Variants in LHFPL3 observed in about 807,000 individuals in gnomAD.
The protein encoded by LHFPL3 is LHFPL tetraspan subfamily member 3.
A neutral mutation model predicts 19.3 loss-of-function variants in LHFPL3; 5 were observed. That is an observed-to-expected ratio of 0.26 (90% CI 0.14 to 0.54). The LOEUF is 0.54. LHFPL3 is among the 20% of genes least tolerant of loss of function. The probability of loss-of-function intolerance (pLI) is 0.94; values close to 1 mark genes in which losing one functional copy is unlikely to be tolerated. For missense variants in LHFPL3, 249 were observed against 307.4 expected (o/e 0.81, Z 1.42); for synonymous variants, 133 against 126.2 (o/e 1.05, Z -0.36).
chr7:104,603,038 T>G (rs1374550673), intron 1 of LHFPL3, among the ~76,000 whole-genome samples: 1 of 152,114 alleles, frequency 6.6e-6, no homozygotes, highest in African/African-American at 2.4e-5. Flanking sequence ...ACAATGAGGA[T>G]TAAGTTTTCT....
chr7:104,720,355 T>C (rs1793464650), intron 1 of LHFPL3, among the ~76,000 whole-genome samples: 1 of 152,276 alleles, frequency 6.6e-6, no homozygotes, highest in African/African-American at 2.4e-5. Flanking sequence ...AAGCTGAAAC[T>C]GAATCCCTTC....
chr7:104,398,179 G>A (rs895257119), intron 1 of LHFPL3, among the ~76,000 whole-genome samples: 2 of 151,930 alleles, frequency 1.3e-5, no homozygotes, highest in African/African-American at 2.4e-5. Flanking sequence ...TAGCATGAAC[G>A]GCAGAAGTAA....
chr7:104,438,682 G>C (rs1792158234), intron 1 of LHFPL3, among the ~76,000 whole-genome samples: 1 of 151,908 alleles, frequency 6.6e-6, no homozygotes, highest in Non-Finnish European at 1.5e-5. Flanking sequence ...AAGTTTCCTT[G>C]TCAAGAAGGT....
At chr7:104,516,319 C>T (rs1793920454) in intron 1 of LHFPL3, among the ~76,000 whole-genome samples, 1 of 152,030 alleles carries the variant, frequency 6.6e-6, no homozygotes, top group Non-Finnish European at 1.5e-5. Flanking sequence ...CAGTTATCTC[C>T]CACTGGATCC....
At chr7:104,517,483 A>C (rs1793943064) in intron 1 of LHFPL3, among the ~76,000 whole-genome samples, 1 of 150,994 alleles carries the variant, frequency 6.6e-6, no homozygotes, top group Admixed American at 6.6e-5. Context: ...ATATGACTCA[A>C]ATTATTCAAA....
At chr7:104,625,782 T>G (rs1482942863) in intron 1 of LHFPL3, among the ~76,000 whole-genome samples, 1 of 152,196 alleles carries the variant, frequency 6.6e-6, no homozygotes, top group African/African-American at 2.4e-5. Flanking sequence ...TTTTACGAAT[T>G]TTTTAACTCT....
At chr7:104,551,956 T>G (rs1794669237) in intron 1 of LHFPL3, among the ~76,000 whole-genome samples, 1 of 152,152 alleles carries the variant, frequency 6.6e-6, no homozygotes, top group East Asian at 1.9e-4. Flanking sequence ...AAACTTTCAG[T>G]GTTGCGGCCT....
chr7:104,822,031 A>G (rs1279388757), intron 2 of LHFPL3, among the ~76,000 whole-genome samples: 2 of 152,184 alleles, frequency 1.3e-5, no homozygotes, highest in Non-Finnish European at 2.9e-5. Context: ...TGGTGACAAT[A>G]TTACCAGGAA....
chr7:104,602,349 C>T (rs971373626), intron 1 of LHFPL3, among the ~76,000 whole-genome samples: 8 of 152,106 alleles, frequency 5.3e-5, no homozygotes, highest in Non-Finnish European at 1.2e-4. Context: ...GACAGTTTGT[C>T]TTTGTGAAGG....
intron 1 of LHFPL3, among the ~76,000 whole-genome samples, chr7:104,411,211 G>A (rs938602150): frequency 2.6e-5 from 4 of 152,066 alleles, no homozygotes; most frequent in Admixed American, 2.0e-4. Flanking sequence ...AGACTTATGA[G>A]TTCTGTTCTA....
chr7:104,500,813 C>A (rs907049326), intron 1 of LHFPL3, among the ~76,000 whole-genome samples: 2 of 152,168 alleles, frequency 1.3e-5, no homozygotes, highest in African/African-American at 2.4e-5. Context: ...GCATACAGTT[C>A]TGTAAATGCC....
intron 1 of LHFPL3, among the ~76,000 whole-genome samples, chr7:104,464,104 C>T (rs1792728407): frequency 6.6e-6 from 1 of 152,154 alleles, no homozygotes; most frequent in Admixed American, 6.5e-5. Flanking sequence ...AGAAATTTGC[C>T]AGAATGAAGG....
chr7:104,626,846 T>A (rs1245866877), intron 1 of LHFPL3, among the ~76,000 whole-genome samples: 1 of 152,178 alleles, frequency 6.6e-6, no homozygotes, highest in African/African-American at 2.4e-5. Context: ...GAAGTCAACA[T>A]CACTTGTTAT....
intron 2 of LHFPL3, among the ~76,000 whole-genome samples, chr7:104,883,652 T>C (rs1792094890): frequency 6.6e-6 from 1 of 152,200 alleles, no homozygotes. Context: ...AACGTGTCAC[T>C]GAGGCAGAAG....
At chr7:104,857,179 G>A (rs1246172476) in intron 2 of LHFPL3, among the ~76,000 whole-genome samples, 2 of 152,166 alleles carry the variant, frequency 1.3e-5, no homozygotes, top group African/African-American at 4.8e-5. Context: ...AGGCGATGCA[G>A]CAAGGACGCA....
chr7:104,598,205 A>G (rs1562946202), intron 1 of LHFPL3, among the ~76,000 whole-genome samples: 1 of 152,236 alleles, frequency 6.6e-6, no homozygotes, highest in Non-Finnish European at 1.5e-5. Context: ...AGCAACTAAC[A>G]GCACAAACAA....
chr7:104,681,310 CAT>C (rs1225781411), intron 1 of LHFPL3, among the ~76,000 whole-genome samples: 6 of 151,968 alleles, frequency 3.9e-5, no homozygotes, highest in Admixed American at 3.9e-4. Context: ...TGGCACTAGT[CAT>C]GTGTTCAAAA....
chr7:104,709,214 AT>A (rs893705886), intron 1 of LHFPL3, among the ~76,000 whole-genome samples: 2 of 148,282 alleles, frequency 1.3e-5, no homozygotes, highest in Non-Finnish European at 3.0e-5. Context: ...TTTCATTTTT[AT>A]TTTTTTATTT....
At chr7:104,451,440 C>A (rs1424683817) in intron 1 of LHFPL3, among the ~76,000 whole-genome samples, 1 of 152,074 alleles carries the variant, frequency 6.6e-6, no homozygotes, top group Non-Finnish European at 1.5e-5. Flanking sequence ...TGCTATAATG[C>A]GGGTGATGAA....
Sources: gnomAD v4.1 joint callset for allele counts (sites outside exome capture counted in the v4.1 genomes callset) on GRCh38, gnomAD v4.1.1 for gene constraint, MANE v1.5 for transcripts, NCBI Gene and HGNC (gene_info 2026-07-23, HGNC 2026-07-21) for gene names.